KCNAB1: variants seen among roughly 807,000 people sequenced by gnomAD.
The protein encoded by KCNAB1 is voltage-gated potassium channel subunit beta-1.
In KCNAB1, 35 loss-of-function variants were observed where a neutral mutation model predicts 64.6. The ratio of observed to expected loss-of-function variants is 0.54; its 90% CI spans 0.41 to 0.72. The LOEUF (loss-of-function observed/expected upper bound fraction) is 0.72, where lower values mean the gene tolerates loss of function less well. KCNAB1 is among the 30% of genes least tolerant of loss of function. The pLI, the probability that KCNAB1 is intolerant of heterozygous loss-of-function variation, is 0.00. For synonymous variants in KCNAB1, 177 were observed against 183.8 expected (o/e 0.96, Z 0.30); for missense variants, 401 against 512.9 (o/e 0.78, Z 2.11).
rs956471342 is a variant in KCNAB1 at position 156,487,415 on chromosome 3, C to T, written c.658+12595C>T. Among the ~76,000 whole-genome samples the T allele has an allele frequency of 4.6e-5, 7 of 152,226 alleles. No homozygotes were observed. The East Asian group carries it at 1.4e-3, about 29-fold the overall frequency. On this transcript the variant is annotated intron_variant, in intron 8 of 13. Transcript: ENST00000490337. Reference sequence around the variant, plus strand: ...TATGCCACAAAAGCCTCAACCTCTGCAGTTTGGAATTTACCCATCATTTCT... The same window carrying T: ...TATGCCACAAAAGCCTCAACCTCTGTAGTTTGGAATTTACCCATCATTTCT...
At position 156,177,437 on chromosome 3, in the gene KCNAB1, C is replaced by T. The variant is rs146318144; in HGVS notation, c.275+56551C>T. ...TGTCGCCGAGGCTGGAGTGCAGCGG[C>T]GCAATCTCGGCTCACAGCAAGCTCC... On this transcript the variant is annotated intron_variant, in intron 1 of 13. Transcript: ENST00000490337. Among the ~76,000 whole-genome samples the T allele has an allele frequency of 1.9e-3, 293 of 152,230 alleles. 5 individuals carry two copies. The highest frequency in any genetic ancestry group is 2.5e-3 in the Non-Finnish European group (171 of 68,010).
intron 1 of KCNAB1, among the ~76,000 whole-genome samples, chr3:156,122,300 A>G (rs1408035918): frequency 6.6e-6 from 1 of 152,242 alleles, no homozygotes; most frequent in Non-Finnish European, 1.5e-5. Context: ...AAGATCCTCT[A>G]GGAAAAAGAG....
At chr3:156,276,764 C>A (rs1719372993) in intron 1 of KCNAB1, among the ~76,000 whole-genome samples, 1 of 152,142 alleles carries the variant, frequency 6.6e-6, no homozygotes, top group Admixed American at 6.5e-5. Flanking sequence ...TATGGCCTTG[C>A]TCTGGATTGT....
At chr3:156,333,343 TACACACACACAC>T (rs947503880) in intron 1 of KCNAB1, among the ~76,000 whole-genome samples, 2 of 119,520 alleles carry the variant, frequency 1.7e-5, no homozygotes, top group Admixed American at 1.7e-4. Flanking sequence ...CACACACACA[TACACACACACAC>T]ACACACGTGT....
chr3:156,423,355 C>G (rs1183455578), intron 2 of KCNAB1, among the ~76,000 whole-genome samples: 1 of 152,142 alleles, frequency 6.6e-6, no homozygotes, highest in Non-Finnish European at 1.5e-5. Context: ...GGAGACAGTA[C>G]ATGAAAGAAG....
intron 1 of KCNAB1, among the ~76,000 whole-genome samples, chr3:156,154,736 C>T (rs1715617095): frequency 6.6e-6 from 1 of 152,156 alleles, no homozygotes; most frequent in Non-Finnish European, 1.5e-5. Flanking sequence ...ACCACTTTGG[C>T]AAGACCCTGG....
chr3:156,143,314 GT>G (rs1714817278), intron 1 of KCNAB1: 2 of 1,613,164 alleles, frequency 1.2e-6, no homozygotes, highest in South Asian at 1.1e-5. Context: ...CTGCAAACCT[GT>G]GAGGCCCAGT....
intron 1 of KCNAB1, among the ~76,000 whole-genome samples, chr3:156,396,212 A>AT (rs1185712118): frequency 6.6e-6 from 1 of 152,076 alleles, no homozygotes; most frequent in Non-Finnish European, 1.5e-5. Context: ...GCCCCAGATG[A>AT]TTTTTTTATG....
At chr3:156,492,971 C>T (rs1053783739) in intron 8 of KCNAB1, among the ~76,000 whole-genome samples, 1 of 152,126 alleles carries the variant, frequency 6.6e-6, no homozygotes, top group South Asian at 2.1e-4. Flanking sequence ...TGAGCATTGA[C>T]TCTTTAAATA....
chr3:156,209,177 A>G (rs1313983266), intron 1 of KCNAB1, among the ~76,000 whole-genome samples: 2 of 152,170 alleles, frequency 1.3e-5, no homozygotes, highest in African/African-American at 2.4e-5. Flanking sequence ...TGCAGAGAAG[A>G]CACAGTTTGG....
At chr3:156,359,349 G>A (rs996759430) in intron 1 of KCNAB1, among the ~76,000 whole-genome samples, 3 of 152,162 alleles carry the variant, frequency 2.0e-5, no homozygotes, top group African/African-American at 7.2e-5. Flanking sequence ...GTGGCTCAGA[G>A]GGGACATCAG....
At chr3:156,438,324 A>T (rs1156293508) in intron 2 of KCNAB1, among the ~76,000 whole-genome samples, 1 of 151,414 alleles carries the variant, frequency 6.6e-6, no homozygotes, top group African/African-American at 2.4e-5. Flanking sequence ...CAATGCAAGA[A>T]GCAAGGGGCA....
intron 1 of KCNAB1, among the ~76,000 whole-genome samples, chr3:156,411,398 C>A (rs1714656982): frequency 6.6e-6 from 1 of 152,018 alleles, no homozygotes; most frequent in Admixed American, 6.5e-5. Context: ...TTTAATGGAT[C>A]ATCTTTTTTA....
chr3:156,442,794 G>T (rs985631826), intron 2 of KCNAB1, among the ~76,000 whole-genome samples: 1 of 152,136 alleles, frequency 6.6e-6, no homozygotes, highest in Admixed American at 6.5e-5. Flanking sequence ...ACATCTCATT[G>T]TTGCCCAGCT....
intron 1 of KCNAB1, chr3:156,291,449 C>G (rs1022848269): frequency 2.0e-6 from 2 of 1,011,456 alleles, no homozygotes; most frequent in South Asian, 4.2e-5. Flanking sequence ...GCGCATCTTG[C>G]GGTAAGCCTG....
intron 1 of KCNAB1, among the ~76,000 whole-genome samples, chr3:156,229,162 A>G (rs1716366905): frequency 1.3e-5 from 2 of 152,218 alleles, no homozygotes; most frequent in African/African-American, 4.8e-5. Context: ...TCACACTACT[A>G]TAAAGAAATA....
At chr3:156,218,849 A>G (rs1446249158) in intron 1 of KCNAB1, among the ~76,000 whole-genome samples, 3 of 149,720 alleles carry the variant, frequency 2.0e-5, no homozygotes, top group African/African-American at 7.3e-5. Flanking sequence ...AAATATAAAA[A>G]AAATAAAATA....
rs556094953 is a variant in KCNAB1, at chr3:156,333,504, CTATAT to C, written c.276-88107_276-88103del. Among the ~76,000 whole-genome samples the C allele has an allele frequency of 6.6e-5, 10 of 152,080 alleles. No homozygotes were observed. The East Asian group carries it at 1.7e-3, about 26-fold the overall frequency. Reference sequence around the variant, plus strand: ...TTTTAGAAGACTATTCTTTGTGTAGCTATATTATAATTGACGTAGAGACTTCATAT... The same window carrying C: ...TTTTAGAAGACTATTCTTTGTGTAGCTATAATTGACGTAGAGACTTCATAT... On this transcript the variant is annotated intron_variant, in intron 1 of 13. Transcript: ENST00000490337.
intron 1 of KCNAB1, among the ~76,000 whole-genome samples, chr3:156,410,229 C>G (rs1304190358): frequency 6.6e-6 from 1 of 152,174 alleles, no homozygotes; most frequent in Admixed American, 6.5e-5. Context: ...CCCTAGTATT[C>G]AACTCTAGTT....
Sources: gnomAD v4.1 joint callset for allele counts (sites outside exome capture counted in the v4.1 genomes callset) on GRCh38, gnomAD v4.1.1 for gene constraint, MANE v1.5 for transcripts, NCBI Gene and HGNC (gene_info 2026-07-23, HGNC 2026-07-21) for gene names.